MSX1: variants seen among roughly 807,000 people sequenced by gnomAD.
The protein encoded by MSX1 is msh homeobox 1, also known as homeobox protein MSX-1.
Under a neutral mutation model 17.0 loss-of-function variants are expected in MSX1, and 11 were observed. That is an observed-to-expected ratio of 0.65 (90% confidence interval 0.41 to 1.07). The LOEUF is 1.07. Among genes scored for constraint, MSX1 ranks in the 50% least tolerant of loss-of-function variants. The pLI, the probability that MSX1 is intolerant of heterozygous loss-of-function variation, is 0.00. For missense variants in MSX1, 477 were observed against 440.1 expected (o/e 1.08, Z -0.75); for synonymous variants, 253 against 211.8 (o/e 1.19, Z -1.69).
intron 1 of MSX1, among the ~76,000 whole-genome samples, chr4:4,860,840 T>C (rs7694792): frequency 0.014 from 2,203 of 152,326 alleles, 65 homozygotes; most frequent in African/African-American, 0.051. Flanking sequence ...TACAGAATTC[T>C]ACCTCCCCAT....
chr4:4,860,477 G>A, intron 1 of MSX1, 109 bp downstream of exon 1: 1 of 1,373,900 alleles, frequency 7.3e-7, no homozygotes, highest in East Asian at 2.5e-5. Context: ...CCTGCAGCCG[G>A]TGCTAGGGAG....
chr4:4,862,600 C>T, intron 1 of MSX1, 101 bp from the exon 2 acceptor site: 1 of 1,394,630 alleles, frequency 7.2e-7, no homozygotes, highest in Non-Finnish European at 1.0e-6. Flanking sequence ...TGGCGGCACT[C>T]AATATCTGGT....
chr4:4,863,162 C>G lies in MSX1; in HGVS notation c.*19C>G, dbSNP rs919107432. On this transcript the variant is annotated 3_prime_UTR_variant, in exon 2 of 2. Coordinates refer to ENST00000382723, the MANE Select transcript of MSX1 (RefSeq NM_002448.3). ...GACATAGAGGGTCCCAGGTCGCCCA[C>G]CTGTGGGCCAGCCGATTCCTCCAGC... The G allele has an allele frequency of 3.8e-6, 6 of 1,578,698 alleles. No individual in the cohort carries two copies. Among genetic ancestry groups the G allele is most frequent in the Non-Finnish European group, 5.1e-6 (6 of 1,169,848 alleles).
chr4:4,860,375 A>T lies in MSX1; in HGVS notation c.469+7A>T. ...TTCTCCCCGCCGCCGGCCAGTGAGT[A>T]GCCAGAACCCAGGCGCAGAGGGAGG... On this transcript the variant is annotated splice_region_variant and intron_variant, in intron 1 of 1. Coordinates refer to ENST00000382723, the MANE Select transcript of MSX1 (RefSeq NM_002448.3). 6.5e-7 allele frequency: 1 copy of T among 1,545,206 alleles called. No homozygotes were observed. The highest frequency in any genetic ancestry group is 8.8e-7 in the Non-Finnish European group (1 of 1,136,730).
At chr4:4,862,657 G>T in intron 1 of MSX1, 44 bp from the exon 2 acceptor site, 1 of 1,599,358 alleles carries the variant, frequency 6.3e-7, no homozygotes. Context: ...ATGCTCCAAT[G>T]CTTCTCTCTT....
intron 1 of MSX1, chr4:4,862,358 C>T (rs531306581): frequency 1.3e-5 from 6 of 472,842 alleles, no homozygotes; most frequent in South Asian, 4.0e-5. Flanking sequence ...GGAGGAGGCC[C>T]GCCATGAAGG....
intron 1 of MSX1, 124 bp from the exon 2 acceptor site, chr4:4,862,577 G>GCAC: frequency 8.7e-7 from 1 of 1,143,230 alleles, no homozygotes. Flanking sequence ...GCGATGCCCG[G>GCAC]CACCGAGGCA....
chr4:4,859,879 G>GA lies in MSX1; in HGVS notation c.-19dup. On this transcript the variant is annotated 5_prime_UTR_variant, in exon 1 of 2. Transcript: ENST00000382723. ...CCGGCGGCTGGCCAGTGCTGCGGCA[G>GA]AAGGGGGGGCCCGGCTCTGCATGGC... The GA allele has an allele frequency of 6.8e-7, 1 of 1,472,534 alleles. No homozygotes were observed. Among genetic ancestry groups the GA allele is most frequent in the Non-Finnish European group, 9.0e-7 (1 of 1,110,540 alleles). 91.2% of individuals were successfully genotyped at this position (1,472,534 alleles called of 1,614,324 possible). A position where few individuals can be genotyped will look rare whatever the true frequency, so the allele number is the denominator to read the frequency against.
In MSX1 at chr4:4,863,279, T is replaced by C. The variant is rs953350860; in HGVS notation, c.*136T>C. On this transcript the variant is annotated 3_prime_UTR_variant, in exon 2 of 2. Coordinates refer to ENST00000382723, the MANE Select transcript of MSX1 (RefSeq NM_002448.3). Reference sequence around the variant, plus strand: ...CACTGCTCCAGTTTCACCTCTTTGCTCCCTGAGTTCACTCTCCGAAGTCTG... The same window carrying C: ...CACTGCTCCAGTTTCACCTCTTTGCCCCCTGAGTTCACTCTCCGAAGTCTG... 7 of 931,222 alleles carry C rather than the reference T, an allele frequency of 7.5e-6. No homozygotes were observed. Among genetic ancestry groups the C allele is most frequent in the Non-Finnish European group, 9.7e-6 (6 of 616,240 alleles). 57.7% of individuals were successfully genotyped at this position (931,222 alleles called of 1,614,324 possible).
At position 4,860,382 on chromosome 4, in the gene MSX1, A is replaced by G; in HGVS notation, c.469+14A>G. 1 of 1,369,610 alleles carries G rather than the reference A, an allele frequency of 7.3e-7. No individual in the cohort carries two copies. The highest frequency in any genetic ancestry group is 2.6e-5 in the East Asian group (1 of 39,012). 84.8% of individuals were successfully genotyped at this position (1,369,610 alleles called of 1,614,324 possible). A position where few individuals can be genotyped will look rare whatever the true frequency, so the allele number is the denominator to read the frequency against. On this transcript the variant is annotated intron_variant, in intron 1 of 1. Coordinates refer to ENST00000382723, the MANE Select transcript of MSX1 (RefSeq NM_002448.3). ...CGCCGCCGGCCAGTGAGTAGCCAGA[A>G]CCCAGGCGCAGAGGGAGGGGGCCGG...
In MSX1 at chr4:4,859,759, G is replaced by A. The variant is rs984154508; in HGVS notation, c.-141G>A. The A allele has an allele frequency of 7.8e-4, 385 of 493,844 alleles. 1 individual carries two copies. The highest frequency in any genetic ancestry group is 1.0e-3 in the Non-Finnish European group (355 of 349,718). 30.6% of individuals were successfully genotyped at this position (493,844 alleles called of 1,614,324 possible). ...AGCACGCCGGAGCTGGCCTGCTGGG[G>A]AGGGGCGGGAGGCGCGCGCGGGAGG... On this transcript the variant is annotated 5_prime_UTR_variant, in exon 1 of 2. Transcript: ENST00000382723.
At position 4,863,014 on chromosome 4, in the gene MSX1, AGCTGTAGCGGCCGCGGCGGGTGCCTC is replaced by A. The variant is rs1560310704; in HGVS notation, c.787_812del (p.Val263LeufsTer68). Reference sequence around the variant, plus strand: ...TCTCCTTCCCTCTCGGCGGCCCCGCAGCTGTAGCGGCCGCGGCGGGTGCCTCGCTCTACGGTGCCTCTGGCCCCTTC... The same window carrying A: ...TCTCCTTCCCTCTCGGCGGCCCCGCAGCTCTACGGTGCCTCTGGCCCCTTC... On this transcript the variant is annotated frameshift_variant, in exon 2 of 2. Transcript: ENST00000382723. LOFTEE classifies it high-confidence loss of function. The A allele has an allele frequency of 6.2e-7, 1 of 1,611,734 alleles. No homozygotes were observed. The highest frequency in any genetic ancestry group is 8.5e-7 in the Non-Finnish European group (1 of 1,179,394).
intron 1 of MSX1, 100 bp from the exon 2 acceptor site, chr4:4,862,601 A>G (rs1193640475): frequency 7.1e-7 from 1 of 1,399,580 alleles, no homozygotes. Flanking sequence ...GGCGGCACTC[A>G]ATATCTGGTA....
Position 4,863,416 on chromosome 4 carries a change from C to G in MSX1, c.*273C>G, listed in dbSNP as rs35244344. 3 of 481,326 alleles carry G rather than the reference C, an allele frequency of 6.2e-6. No individual in the cohort carries two copies. The highest frequency in any genetic ancestry group is 3.9e-5 in the African/African-American group (2 of 50,944). The allele number at this position is 481,326 out of a possible 1,614,324, so 29.8% of individuals were successfully genotyped here. A position where few individuals can be genotyped will look rare whatever the true frequency, so the allele number is the denominator to read the frequency against. Reference sequence around the variant, plus strand: ...AGGGCAGAGAGGTTAACAGATTTATCTAAGGTCCCCAGCAGAATTGACAGT... The same window carrying G: ...AGGGCAGAGAGGTTAACAGATTTATGTAAGGTCCCCAGCAGAATTGACAGT... On this transcript the variant is annotated 3_prime_UTR_variant, in exon 2 of 2. Coordinates refer to ENST00000382723, the MANE Select transcript of MSX1 (RefSeq NM_002448.3).
intron 1 of MSX1, 29 bp from the exon 2 acceptor site, chr4:4,862,672 C>A (rs1472789620): frequency 5.0e-6 from 8 of 1,600,706 alleles, no homozygotes; most frequent in Non-Finnish European, 6.0e-6. Flanking sequence ...TCTCTTAACC[C>A]CTTGCTTTTT....
In MSX1 at chr4:4,863,936, A is replaced by T. The variant is rs1338300310; in HGVS notation, c.*793A>T. 1.3e-5 allele frequency: 2 copies of T among 151,610 alleles called. No individual in the cohort carries two copies. The highest frequency in any genetic ancestry group is 2.9e-5 in the Non-Finnish European group (2 of 67,842). The allele number at this position is 151,610 out of a possible 1,614,324, so 9.4% of individuals were successfully genotyped here. ...AATAAATTAATTTTAAGCTACAAAA[A>T]TTATCTCTTTACTGATTGAGTCTTT... On this transcript the variant is annotated 3_prime_UTR_variant, in exon 2 of 2. Transcript: ENST00000382723.
At position 4,860,246 on chromosome 4, in the gene MSX1, G is replaced by T. The variant is rs1737881175; in HGVS notation, c.347G>T (p.Gly116Val). ...PDAPSSPRPL[G>V]HFSVGGLLKL... ...GCGCCCTCTTCGCCGCGGCCGCTCG[G>T]CCATTTCTCGGTGGGGGGACTCCTC... The change falls in exon 1 of 2, where the codon GGC becomes GTC. Residue 116 changes from glycine to valine, a missense_variant. Physicochemically the swap from Gly to Val is moderately radical, Grantham distance 109 (BLOSUM62 -3). Around this residue, in one of 3 missense-constraint regions of MSX1, gnomAD observed 355 missense variants for 306.1 expected, o/e 1.16. Coordinates refer to ENST00000382723, the MANE Select transcript of MSX1 (RefSeq NM_002448.3). 1 of 1,586,688 alleles carries T rather than the reference G, an allele frequency of 6.3e-7. No individual in the cohort carries two copies. Among genetic ancestry groups the T allele is most frequent in the Non-Finnish European group, 8.5e-7 (1 of 1,174,544 alleles).
Position 4,860,019 on chromosome 4 carries a change from A to G in MSX1, c.120A>G (p.Ala40=). The G allele has an allele frequency of 6.7e-7, 1 of 1,501,832 alleles. No homozygotes were observed. The highest frequency in any genetic ancestry group is 8.9e-7 in the Non-Finnish European group (1 of 1,126,432). The allele number at this position is 1,501,832 out of a possible 1,614,324, so 93.0% of individuals were successfully genotyped here. ...GQAPSAAAAT[A]AAMGADEEGA... Reference sequence around the variant, plus strand: ...CCCCCAGCGCCGCCGCGGCCACGGCAGCCGCCATGGGCGCGGACGAGGAGG... The same window carrying G: ...CCCCCAGCGCCGCCGCGGCCACGGCGGCCGCCATGGGCGCGGACGAGGAGG... The change falls in exon 1 of 2, where the codon GCA becomes GCG. Residue 40 remains alanine (A), a synonymous_variant. Transcript: ENST00000382723.
intron 1 of MSX1, 125 bp from the exon 2 acceptor site, chr4:4,862,576 G>T (rs1478135037): frequency 4.4e-6 from 5 of 1,138,042 alleles, no homozygotes; most frequent in African/African-American, 1.5e-5. Flanking sequence ...CGCGATGCCC[G>T]GCACCGAGGC....
Sources: gnomAD v4.1 joint callset for allele counts (sites outside exome capture counted in the v4.1 genomes callset) on GRCh38, gnomAD v4.1.1 for gene constraint, gnomAD v4.1.1 regional missense constraint, MANE v1.5 for transcripts, NCBI Gene and HGNC (gene_info 2026-07-23, HGNC 2026-07-21) for gene names.